The following DDX19B variants were observed in gnomAD, a reference collection of about 807,000 sequenced individuals.
DDX19B encodes DEAD-box helicase 19B.
DDX19B carries 27 observed loss-of-function variants against 58.1 expected under a neutral mutation model. The ratio of observed to expected loss-of-function variants is 0.46; its 90% CI spans 0.34 to 0.64. The LOEUF (loss-of-function observed/expected upper bound fraction) is 0.64. DDX19B is among the 30% of genes least tolerant of loss of function. The probability of loss-of-function intolerance (pLI) is 0.01; values close to 1 mark genes in which losing one functional copy is unlikely to be tolerated. For missense variants in DDX19B, 399 were observed against 596.5 expected (o/e 0.67, Z 3.45); for synonymous variants, 187 against 214.4 (o/e 0.87, Z 1.12).
chr16:70,311,104 C>A (rs1319905225), intron 1 of DDX19B, among the ~76,000 whole-genome samples: 1 of 142,956 alleles, frequency 7.0e-6, no homozygotes, highest in Non-Finnish European at 1.5e-5. Context: ...CCGGGCGTGG[C>A]AGCTCATATC....
At chr16:70,329,032 G>T (rs1054603425) in intron 7 of DDX19B, among the ~76,000 whole-genome samples, 11 of 149,020 alleles carry the variant, frequency 7.4e-5, no homozygotes, top group Non-Finnish European at 1.0e-4. Context: ...CTGGCCAAGA[G>T]AGTGAAACCC....
Position 70,304,372 on chromosome 16 carries a change from C to CT in DDX19B, c.57+5035dup, listed in dbSNP as rs1055145154. On this transcript the variant is annotated intron_variant, in intron 1 of 11. Coordinates refer to ENST00000288071, the MANE Select transcript of DDX19B (RefSeq NM_007242.7). ...CTGTTCATCTTTTTCACAGAGATGT[C>CT]TTTTTTTTTTTTTTTTTGAGACAAA... Among the ~76,000 whole-genome samples, 975 of 128,878 alleles carry CT rather than the reference C, an allele frequency of 7.6e-3. 11 individuals carry two copies. Among genetic ancestry groups the CT allele is most frequent in the African/African-American group, 0.014 (492 of 34,950 alleles). The allele number at this position is 128,878 out of a possible 152,430, so 84.5% of individuals were successfully genotyped here.
intron 9 of DDX19B, among the ~76,000 whole-genome samples, chr16:70,331,074 A>G (rs1268370089): frequency 6.6e-6 from 1 of 152,120 alleles, no homozygotes; most frequent in Non-Finnish European, 1.5e-5. Flanking sequence ...TTTAAAATAT[A>G]TATGTTGTTT....
intron 5 of DDX19B, among the ~76,000 whole-genome samples, chr16:70,322,100 A>G (rs979138760): frequency 2.0e-5 from 3 of 148,586 alleles, no homozygotes; most frequent in Non-Finnish European, 4.5e-5. Flanking sequence ...TATCCCAGCA[A>G]TTTGGGAGGC....
Position 70,325,081 on chromosome 16 carries a change from A to G in DDX19B, c.492+394A>G, listed in dbSNP as rs3790072. Among the ~76,000 whole-genome samples, 727 of 152,316 alleles carry G rather than the reference A, an allele frequency of 4.8e-3. 17 individuals are homozygous for G. In the East Asian group the frequency reaches 0.059, roughly 12 times the overall value. On this transcript the variant is annotated intron_variant, in intron 6 of 11. Transcript: ENST00000288071. ...AAATAAAATAAAAGCCAAGCTATGCATTACTTTTTACACAAACTGAAACTC... is the reference window on the plus strand; with the variant it reads ...AAATAAAATAAAAGCCAAGCTATGCGTTACTTTTTACACAAACTGAAACTC...
intron 1 of DDX19B, among the ~76,000 whole-genome samples, chr16:70,304,158 A>G (rs910277952): frequency 4.6e-5 from 7 of 151,164 alleles, no homozygotes; most frequent in Non-Finnish European, 8.8e-5. Context: ...CTCCTGCCTC[A>G]GCTTCCCTAG....
Position 70,333,991 on chromosome 16 carries a change from GGAACACA to G in DDX19B, c.*412_*418del, listed in dbSNP as rs1257925550. ...GAAGTAATGGAATAGTGGTGGAAAG[GGAACACA>G]GAGAGGGAGGCTTCCAGTAAGATAG... On this transcript the variant is annotated 3_prime_UTR_variant, in exon 12 of 12. Transcript: ENST00000288071. The G allele has an allele frequency of 4.0e-6, 1 of 252,490 alleles. No individual in the cohort carries two copies. Among genetic ancestry groups the G allele is most frequent in the East Asian group, 1.1e-4 (1 of 9,506 alleles). The allele number at this position is 252,490 out of a possible 1,614,324, so 15.6% of individuals were successfully genotyped here. A position where few individuals can be genotyped will look rare whatever the true frequency, so the allele number is the denominator to read the frequency against.
chr16:70,293,422 G>GAA (rs199870375), upstream of DDX19B, among the ~76,000 whole-genome samples: 5 of 112,888 alleles, frequency 4.4e-5, no homozygotes, highest in African/African-American at 1.7e-4. Context: ...TGTCTCAATT[G>GAA]AAAAAAAAAA....
intron 5 of DDX19B, among the ~76,000 whole-genome samples, chr16:70,321,567 C>T (rs139859883): frequency 5.9e-5 from 9 of 152,284 alleles, no homozygotes; most frequent in South Asian, 2.1e-4. Flanking sequence ...TAGTCAACAA[C>T]GCAGACCAAA....
upstream of DDX19B, among the ~76,000 whole-genome samples, chr16:70,290,921 A>G (rs996724751): frequency 2.6e-5 from 4 of 152,224 alleles, no homozygotes; most frequent in Non-Finnish European, 4.4e-5. Context: ...TATTACCTCC[A>G]TCATCTGATA....
rs1047256162 is a variant in DDX19B, at chr16:70,333,559, G to A, written c.1417G>A (p.Glu473Lys). The change falls in exon 12 of 12, where the codon GAG becomes AAG. Residue 473 changes from glutamate (E) to lysine (K), a missense_variant. Coordinates refer to ENST00000288071, the MANE Select transcript of DDX19B (RefSeq NM_007242.7). ...IERLDTDDLD[E>K]IEKIAN is the part of the protein sequence containing the mutation. ...AAGATTGGACACAGATGATTTGGACGAGATTGAGAAAATAGCCAACTGAGA... is the reference window on the plus strand; with the variant it reads ...AAGATTGGACACAGATGATTTGGACAAGATTGAGAAAATAGCCAACTGAGA... 12 of 1,613,860 alleles carry A rather than the reference G, an allele frequency of 7.4e-6. No individual in the cohort carries two copies. Among genetic ancestry groups the A allele is most frequent in the East Asian group, 2.2e-5 (1 of 44,886 alleles).
chr16:70,291,929 A>G (rs112211496), upstream of DDX19B, among the ~76,000 whole-genome samples: 3 of 152,100 alleles, frequency 2.0e-5, no homozygotes, highest in African/African-American at 7.2e-5. Flanking sequence ...AGGAGGATCA[A>G]TGGAGCCCAA....
upstream of DDX19B, among the ~76,000 whole-genome samples, chr16:70,291,816 A>G (rs1181396158): frequency 6.6e-6 from 1 of 151,182 alleles, no homozygotes; most frequent in East Asian, 2.0e-4. Context: ...GTCTCAAAAT[A>G]AATAAATAAA....
intron 1 of DDX19B, among the ~76,000 whole-genome samples, chr16:70,302,980 T>C (rs1961557947): frequency 6.6e-6 from 1 of 152,224 alleles, no homozygotes; most frequent in Non-Finnish European, 1.5e-5. Context: ...CCCTAATGAC[T>C]AATGATGTTG....
chr16:70,328,277 A>G (rs1341534907), intron 7 of DDX19B, among the ~76,000 whole-genome samples: 1 of 152,174 alleles, frequency 6.6e-6, no homozygotes, highest in Non-Finnish European at 1.5e-5. Context: ...CTGAAAAGTA[A>G]ATAATACAGT....
intron 7 of DDX19B, 52 bp from the exon 8 acceptor site, chr16:70,329,240 A>T (rs867017434): frequency 3.5e-5 from 54 of 1,564,942 alleles, no homozygotes; most frequent in Middle Eastern, 1.7e-4. Flanking sequence ...AAAAAAAAAA[A>T]AAAGAAAGAA....
chr16:70,319,576 CTTTT>C (rs112394000), intron 5 of DDX19B: 1 of 145,730 alleles, frequency 6.9e-6, no homozygotes, highest in African/African-American at 2.5e-5. Flanking sequence ...TTCTGAATCT[CTTTT>C]TTTTTTTTGT....
At chr16:70,296,267 C>G (rs1339632872), upstream of DDX19B, among the ~76,000 whole-genome samples, 1 of 151,840 alleles carries the variant, frequency 6.6e-6, no homozygotes, top group African/African-American at 2.4e-5. Context: ...TCCCAAACTG[C>G]TGGGATTACA....
chr16:70,316,204 TA>T, intron 4 of DDX19B, 100 bp downstream of exon 4: 1 of 1,415,398 alleles, frequency 7.1e-7, no homozygotes, highest in Non-Finnish European at 9.5e-7. Flanking sequence ...CAGTTTTAGC[TA>T]ACCAAGTTTT....
Sources: gnomAD v4.1 joint callset for allele counts (sites outside exome capture counted in the v4.1 genomes callset) on GRCh38, gnomAD v4.1.1 for gene constraint, MANE v1.5 for transcripts, NCBI Gene and HGNC (gene_info 2026-07-23, HGNC 2026-07-21) for gene names.